BCAS3: variants seen among roughly 807,000 people sequenced by gnomAD.
BCAS3 encodes BCAS4/BCAS3 fusion.
BCAS3 carries 53 observed loss-of-function variants against 116.1 expected under a neutral mutation model. That is an observed-to-expected ratio of 0.46 (90% confidence interval 0.37 to 0.57). The LOEUF (loss-of-function observed/expected upper bound fraction) is 0.57. Among genes scored for constraint, BCAS3 ranks in the 20% least tolerant of loss-of-function variants. The pLI is 0.00. For synonymous variants in BCAS3, 391 were observed against 408.2 expected (o/e 0.96, Z 0.51); for missense variants, 917 against 1,165.4 (o/e 0.79, Z 3.10).
At chr17:60,748,086 A>G (rs1463226916) in intron 6 of BCAS3, among the ~76,000 whole-genome samples, 1 of 152,144 alleles carries the variant, frequency 6.6e-6, no homozygotes, top group Non-Finnish European at 1.5e-5. Flanking sequence ...CTTCTTAAAA[A>G]GAGGATATTA....
chr17:61,179,274 T>G (rs1325050315), intron 22 of BCAS3, among the ~76,000 whole-genome samples: 4 of 14,960 alleles, frequency 2.7e-4, no homozygotes, highest in African/African-American at 4.4e-4. Flanking sequence ...AGAAAAAGCC[T>G]TTTTTTTTTT....
chr17:60,827,389 C>T (rs7220641), intron 7 of BCAS3, among the ~76,000 whole-genome samples: 13,967 of 152,080 alleles, frequency 0.092, 2,147 homozygotes, highest in African/African-American at 0.32. Flanking sequence ...TATGACTGTT[C>T]GAGAAATAGG....
chr17:60,772,241 C>T (rs1232078589), intron 6 of BCAS3, among the ~76,000 whole-genome samples: 18 of 152,098 alleles, frequency 1.2e-4, no homozygotes, highest in South Asian at 4.2e-4. Flanking sequence ...TTTTAATGAT[C>T]GCCATTCTAA....
intron 19 of BCAS3, among the ~76,000 whole-genome samples, chr17:61,059,754 G>A (rs1376562468): frequency 2.0e-5 from 3 of 152,050 alleles, no homozygotes; most frequent in African/African-American, 2.4e-5. Flanking sequence ...GGCTGGGCAC[G>A]GTGGCTCACA....
intron 10 of BCAS3, chr17:60,891,584 T>C: frequency 2.4e-6 from 1 of 422,984 alleles, no homozygotes; most frequent in Non-Finnish European, 4.7e-6. Flanking sequence ...AAAATTGAAT[T>C]AAATTTTGGG....
At chr17:60,880,279 T>G (rs79327606) in intron 9 of BCAS3, among the ~76,000 whole-genome samples, 1 of 152,064 alleles carries the variant, frequency 6.6e-6, no homozygotes, top group Non-Finnish European at 1.5e-5. Flanking sequence ...CTTTTTTTTT[T>G]TTATTGTTGT....
chr17:61,270,182 C>T (rs1187896783), intron 22 of BCAS3, among the ~76,000 whole-genome samples: 4 of 134,570 alleles, frequency 3.0e-5, no homozygotes, highest in Non-Finnish European at 6.1e-5. Context: ...TGCGATGGTG[C>T]GATCCCGGCT....
chr17:61,212,719 T>G (rs938903512), intron 22 of BCAS3, among the ~76,000 whole-genome samples: 1 of 152,224 alleles, frequency 6.6e-6, no homozygotes, highest in Non-Finnish European at 1.5e-5. Context: ...TAGCCTTAAC[T>G]GAAACTTTAT....
chr17:61,297,375 C>T (rs564932352), intron 22 of BCAS3, among the ~76,000 whole-genome samples: 2 of 152,162 alleles, frequency 1.3e-5, no homozygotes, highest in Admixed American at 6.5e-5. Flanking sequence ...AAGCCAAAGT[C>T]ATACTCCTTG....
chr17:60,818,924 A>G (rs919634673), intron 7 of BCAS3, among the ~76,000 whole-genome samples: 2 of 152,140 alleles, frequency 1.3e-5, no homozygotes, highest in South Asian at 2.1e-4. Flanking sequence ...TAGATGATCT[A>G]TGGGGCTCTG....
intron 22 of BCAS3, among the ~76,000 whole-genome samples, chr17:61,197,734 G>A (rs1038444548): frequency 4.6e-5 from 7 of 152,166 alleles, no homozygotes; most frequent in African/African-American, 1.2e-4. Flanking sequence ...AAGCCAGTCT[G>A]GATAAAGACC....
Position 61,344,055 on chromosome 17 carries a change from A to G in BCAS3, c.2426-24272A>G, listed in dbSNP as rs541841539. ...GCTGAGACAGGCAAGAGTCAGTAAT[A>G]AGATCAGAGAGTAGAAGACTAGGGC... On this transcript the variant is annotated intron_variant, in intron 22 of 23. Coordinates refer to ENST00000407086, the MANE Select transcript of BCAS3 (RefSeq NM_017679.5). This position sits in a 1 kb window ranked among gnomAD's most constrained non-coding sequence, Gnocchi z 4.1. Among the ~76,000 whole-genome samples, 21 of 152,236 alleles carry G rather than the reference A, an allele frequency of 1.4e-4. No individual in the cohort carries two copies. The highest frequency in any genetic ancestry group is 5.1e-4 in the African/African-American group (21 of 41,538).
chr17:61,310,961 C>A (rs1019096384), intron 22 of BCAS3, among the ~76,000 whole-genome samples: 1 of 152,130 alleles, frequency 6.6e-6, no homozygotes, highest in Non-Finnish European at 1.5e-5. Context: ...AATCCCAGCC[C>A]TGTCTCTTAA....
rs142717916 is a variant in BCAS3 at position 60,961,041 on chromosome 17, A to G, written c.1221+13689A>G. The stretch of plus-strand genomic sequence containing the variant: ...GCTATACTCCTGGCCTTCAGAGCAC[A>G]TTTTCCCAACCATGAAACTCCTCAT... On this transcript the variant is annotated intron_variant, in intron 14 of 23. Transcript: ENST00000407086. The surrounding 1 kb of genome is among the most constrained non-coding windows in gnomAD (Gnocchi z 4.8). Among the ~76,000 whole-genome samples the G allele has an allele frequency of 2.7e-3, 408 of 151,986 alleles. 2 individuals are homozygous for G. Among genetic ancestry groups the G allele is most frequent in the African/African-American group, 9.3e-3 (386 of 41,444 alleles).
At chr17:60,948,723 A>G (rs1409704993) in intron 14 of BCAS3, among the ~76,000 whole-genome samples, 1 of 152,210 alleles carries the variant, frequency 6.6e-6, no homozygotes, top group Non-Finnish European at 1.5e-5. Context: ...TATGTTTGAA[A>G]AAGTATTAGG....
chr17:61,046,180 C>T (rs1016624132), intron 19 of BCAS3, among the ~76,000 whole-genome samples: 1 of 123,536 alleles, frequency 8.1e-6, no homozygotes, highest in African/African-American at 3.0e-5. Flanking sequence ...ACCCTTTCTG[C>T]AAGTTAGAGC....
chr17:60,865,769 C>A (rs771021389), intron 7 of BCAS3, among the ~76,000 whole-genome samples: 2 of 152,020 alleles, frequency 1.3e-5, no homozygotes, highest in Non-Finnish European at 2.9e-5. Flanking sequence ...GTAATTATTG[C>A]GCTGGGTAAG....
chr17:60,816,959 G>A (rs932496185), intron 7 of BCAS3, among the ~76,000 whole-genome samples: 2 of 152,140 alleles, frequency 1.3e-5, no homozygotes, highest in Non-Finnish European at 2.9e-5. Flanking sequence ...GGTGCTATGT[G>A]CCCCAAGTGC....
chr17:60,889,145 G>A (rs186414508), intron 9 of BCAS3, among the ~76,000 whole-genome samples: 1 of 152,310 alleles, frequency 6.6e-6, no homozygotes, highest in East Asian at 1.9e-4. Flanking sequence ...GATATTGAGT[G>A]AAATGTAAAT....
Sources: gnomAD v4.1 joint callset for allele counts (sites outside exome capture counted in the v4.1 genomes callset) on GRCh38, gnomAD v4.1.1 for gene constraint, Gnocchi (gnomAD v3.1) non-coding constraint, MANE v1.5 for transcripts, NCBI Gene and HGNC (gene_info 2026-07-23, HGNC 2026-07-21) for gene names.